Variants in THSD7A observed in about 807,000 individuals in gnomAD.
The protein encoded by THSD7A is thrombospondin type-1 domain-containing protein 7A.
A neutral mutation model predicts 231.3 loss-of-function variants in THSD7A; 96 were observed. The ratio of observed to expected loss-of-function variants is 0.41; its 90% CI spans 0.35 to 0.49. The LOEUF is 0.49. Among genes scored for constraint, THSD7A ranks in the 20% least tolerant of loss-of-function variants. The pLI is 0.05. For synonymous variants in THSD7A, 940 were observed against 743.3 expected (o/e 1.26, Z -4.30); for missense variants, 2,290 against 2,070.2 (o/e 1.11, Z -2.06).
At chr7:11,489,569 G>A (rs980871508) in intron 6 of THSD7A, among the ~76,000 whole-genome samples, 1 of 152,032 alleles carries the variant, frequency 6.6e-6, no homozygotes, top group African/African-American at 2.4e-5. Context: ...CTCTGTAGGA[G>A]GGCAGGTACC....
At chr7:11,579,199 T>C (rs1584017063) in intron 4 of THSD7A, among the ~76,000 whole-genome samples, 1 of 152,228 alleles carries the variant, frequency 6.6e-6, no homozygotes, top group South Asian at 2.1e-4. Flanking sequence ...TTATTGCCCA[T>C]TGCTTTTAGA....
At chr7:11,827,187 A>G (rs1315021243) in intron 1 of THSD7A, among the ~76,000 whole-genome samples, 1 of 152,062 alleles carries the variant, frequency 6.6e-6, no homozygotes, top group Non-Finnish European at 1.5e-5. Flanking sequence ...ATATTTTAAT[A>G]AATAATTTTT....
chr7:11,440,590 T>G (rs1427764317), intron 13 of THSD7A, among the ~76,000 whole-genome samples: 1 of 151,948 alleles, frequency 6.6e-6, no homozygotes, highest in South Asian at 2.1e-4. Context: ...ATGGATGACT[T>G]TGAGGGGGTT....
chr7:11,686,356 T>C (rs1304375643), intron 1 of THSD7A, among the ~76,000 whole-genome samples: 1 of 151,870 alleles, frequency 6.6e-6, no homozygotes, highest in Non-Finnish European at 1.5e-5. Flanking sequence ...AAAGGAGCTA[T>C]TAAAAATTTT....
At chr7:11,675,412 A>G (rs1455823128) in intron 1 of THSD7A, among the ~76,000 whole-genome samples, 2 of 152,194 alleles carry the variant, frequency 1.3e-5, no homozygotes, top group Admixed American at 1.3e-4. Context: ...CTAGCGAGAC[A>G]GAACGGTTCA....
At chr7:11,560,903 T>C (rs1288169928) in intron 4 of THSD7A, among the ~76,000 whole-genome samples, 2 of 152,184 alleles carry the variant, frequency 1.3e-5, no homozygotes, top group African/African-American at 2.4e-5. Context: ...ATGTAATTTA[T>C]TTAATAACAA....
At position 11,514,356 on chromosome 7, in the gene THSD7A, C is replaced by T. The variant is rs576726027; in HGVS notation, c.1822+27063G>A. Among the ~76,000 whole-genome samples, 12 of 152,246 alleles carry T rather than the reference C, an allele frequency of 7.9e-5. No individual in the cohort carries two copies. The South Asian group carries it at 2.5e-3, about 32-fold the overall frequency. On this transcript the variant is annotated intron_variant, in intron 6 of 27. Transcript: ENST00000423059. Reference sequence around the variant, plus strand: ...TCTACATCTAAAACAGTGCCTGGCACAGAGTAGCCAGTCAGTTAATATTTG... The same window carrying T: ...TCTACATCTAAAACAGTGCCTGGCATAGAGTAGCCAGTCAGTTAATATTTG...
At chr7:11,544,953 A>C (rs2128323899) in intron 4 of THSD7A, among the ~76,000 whole-genome samples, 1 of 152,242 alleles carries the variant, frequency 6.6e-6, no homozygotes, top group Middle Eastern at 3.4e-3. Context: ...AGCCGAAGCC[A>C]AAAATGATTA....
chr7:11,656,157 T>G (rs2128370957), intron 1 of THSD7A, among the ~76,000 whole-genome samples: 1 of 152,046 alleles, frequency 6.6e-6, no homozygotes, highest in South Asian at 2.1e-4. Flanking sequence ...TGAAGATAAA[T>G]GCCCATTATA....
intron 22 of THSD7A, among the ~76,000 whole-genome samples, chr7:11,404,438 G>A (rs748107984): frequency 3.3e-5 from 5 of 152,204 alleles, no homozygotes; most frequent in African/African-American, 9.6e-5. Flanking sequence ...TGGAGATTTG[G>A]TTTTGGAAAA....
chr7:11,782,435 G>C (rs1783663128), intron 1 of THSD7A, among the ~76,000 whole-genome samples: 1 of 151,980 alleles, frequency 6.6e-6, no homozygotes, highest in South Asian at 2.1e-4. Flanking sequence ...CACACACACA[G>C]AAAAAGCAGC....
chr7:11,389,615 A>G (rs1324271216), intron 23 of THSD7A, among the ~76,000 whole-genome samples: 3 of 151,728 alleles, frequency 2.0e-5, no homozygotes, highest in Admixed American at 6.6e-5. Flanking sequence ...CATTTAGCCC[A>G]TTTACATTTA....
chr7:11,512,295 G>C (rs1787844155), intron 6 of THSD7A, among the ~76,000 whole-genome samples: 1 of 152,182 alleles, frequency 6.6e-6, no homozygotes, highest in Non-Finnish European at 1.5e-5. Context: ...ACAGGTGCTG[G>C]AGAGGATGTG....
At chr7:11,815,278 T>C (rs1784650508) in intron 1 of THSD7A, among the ~76,000 whole-genome samples, 1 of 151,692 alleles carries the variant, frequency 6.6e-6, no homozygotes, top group African/African-American at 2.4e-5. Flanking sequence ...TTGAACCTTG[T>C]CTCTGATTGC....
chr7:11,705,980 C>A (rs1305181701), intron 1 of THSD7A, among the ~76,000 whole-genome samples: 1 of 150,830 alleles, frequency 6.6e-6, no homozygotes, highest in Non-Finnish European at 1.5e-5. Flanking sequence ...AATAGCATTT[C>A]TGTTATAGTC....
intron 23 of THSD7A, among the ~76,000 whole-genome samples, chr7:11,387,539 GA>G (rs1216294455): frequency 6.6e-6 from 1 of 152,162 alleles, no homozygotes; most frequent in Non-Finnish European, 1.5e-5. Context: ...GAATGCTTGT[GA>G]TTTTTGCACA....
intron 15 of THSD7A, among the ~76,000 whole-genome samples, chr7:11,425,773 C>CACTG (rs1784299043): frequency 6.7e-6 from 1 of 148,584 alleles, no homozygotes; most frequent in African/African-American, 2.5e-5. Context: ...CACTGAGAGA[C>CACTG]AGAGACAGAG....
chr7:11,536,309 C>T (rs1788913238), intron 6 of THSD7A, among the ~76,000 whole-genome samples: 2 of 152,100 alleles, frequency 1.3e-5, no homozygotes, highest in Non-Finnish European at 2.9e-5. Flanking sequence ...AATTGGATTT[C>T]GTTTTGTAAT....
intron 23 of THSD7A, among the ~76,000 whole-genome samples, chr7:11,386,451 G>C (rs1038785486): frequency 1.3e-5 from 2 of 152,038 alleles, no homozygotes; most frequent in African/African-American, 4.8e-5. Flanking sequence ...TTTGATTTGT[G>C]TTTCTCTAAT....
Sources: allele counts gnomAD v4.1 joint callset (sites outside exome capture counted in the v4.1 genomes callset), GRCh38; gene constraint gnomAD v4.1.1; transcripts MANE v1.5; gene names NCBI Gene and HGNC (gene_info 2026-07-23, HGNC 2026-07-21).